UGT1A9: variants seen among roughly 807,000 people sequenced by gnomAD.
UGT1A9 encodes UDP-glucuronosyltransferase 1A9.
UGT1A9 carries 35 observed loss-of-function variants against 45.0 expected under a neutral mutation model. The ratio of observed to expected loss-of-function variants is 0.78; its 90% CI spans 0.59 to 1.03. The LOEUF (loss-of-function observed/expected upper bound fraction) is 1.03, where lower values mean the gene tolerates loss of function less well. UGT1A9 is among the 50% of genes least tolerant of loss of function. UGT1A9 has a pLI of 0.00. For synonymous variants in UGT1A9, 278 were observed against 250.6 expected (o/e 1.11, Z -1.03); for missense variants, 687 against 666.6 (o/e 1.03, Z -0.34).
intron 1 of UGT1A9, chr2:233,693,831 G>T: frequency 1.2e-6 from 2 of 1,614,178 alleles, no homozygotes; most frequent in Non-Finnish European, 1.7e-6. Context: ...TTCATTGGAG[G>T]TATCAACTGT....
chr2:233,755,356 C>T, intron 1 of UGT1A9: 1 of 377,544 alleles, frequency 2.6e-6, no homozygotes, highest in Non-Finnish European at 4.9e-6. Context: ...GCTTGGCGAC[C>T]TGGGCCGCCT....
chr2:233,693,918 C>T (rs907790099), intron 1 of UGT1A9: 4 of 1,611,064 alleles, frequency 2.5e-6, no homozygotes, highest in Non-Finnish European at 3.4e-6. Context: ...GCTCTGTCCT[C>T]CCTCACTCAT....
intron 1 of UGT1A9, among the ~76,000 whole-genome samples, chr2:233,746,480 C>A (rs1693404181): frequency 1.3e-5 from 2 of 151,692 alleles, no homozygotes; most frequent in Admixed American, 6.5e-5. Context: ...AAACACTTTC[C>A]ATGGACATGT....
At chr2:233,695,130 C>CTTTCTCTTT (rs1364557158) in intron 1 of UGT1A9, among the ~76,000 whole-genome samples, 2 of 138,840 alleles carry the variant, frequency 1.4e-5, no homozygotes, top group African/African-American at 5.4e-5. Context: ...CTTTTCTTTT[C>CTTTCTCTTT]TTTTTTTTTT....
At chr2:233,761,180 C>T (rs374898247) in intron 1 of UGT1A9, 24 of 1,614,008 alleles carry the variant, frequency 1.5e-5, no homozygotes, top group Non-Finnish European at 1.8e-5. Flanking sequence ...CTTTTACATG[C>T]GTATATTCTT....
In UGT1A9 at chr2:233,719,346, A is replaced by T. The variant is rs45540231; in HGVS notation, c.855+46557A>T. 3.4e-3 allele frequency: 5,483 copies of T among 1,613,810 alleles called. 158 individuals are homozygous for T. The African/African-American group carries it at 0.064, about 19-fold the overall frequency. On this transcript the variant is annotated intron_variant, in intron 1 of 4. Transcript: ENST00000354728. ...TCCTGCTGTGTTTTTTTGGAGGTAC[A>T]TTCCATGTGACTTAGACTTTAAGGG...
intron 1 of UGT1A9, among the ~76,000 whole-genome samples, chr2:233,704,712 T>C (rs2075804590): frequency 6.6e-6 from 1 of 152,184 alleles, no homozygotes; most frequent in African/African-American, 2.4e-5. Context: ...CTTAGCCCAA[T>C]TTGCCTTTGC....
At chr2:233,738,589 T>A (rs765619783) in intron 1 of UGT1A9, among the ~76,000 whole-genome samples, 10 of 152,236 alleles carry the variant, frequency 6.6e-5, no homozygotes, top group Admixed American at 1.3e-4. Flanking sequence ...CAAAGGTCAC[T>A]CTTGCTAAGC....
At chr2:233,715,304 G>A (rs1362641009) in intron 1 of UGT1A9, among the ~76,000 whole-genome samples, 1 of 152,110 alleles carries the variant, frequency 6.6e-6, no homozygotes, top group Non-Finnish European at 1.5e-5. Flanking sequence ...CTCTTGAATA[G>A]GTTTTGCTTT....
At chr2:233,723,300 C>G (rs2077076246) in intron 1 of UGT1A9, among the ~76,000 whole-genome samples, 1 of 117,154 alleles carries the variant, frequency 8.5e-6, no homozygotes, top group South Asian at 3.3e-4. Flanking sequence ...ACCTCTGCCT[C>G]CCAGGTTCAA....
intron 1 of UGT1A9, among the ~76,000 whole-genome samples, chr2:233,746,718 T>C (rs1161016418): frequency 6.6e-6 from 1 of 151,822 alleles, no homozygotes; most frequent in Non-Finnish European, 1.5e-5. Flanking sequence ...ATAAGGGAAT[T>C]AGCAATGGAT....
chr2:233,711,814 G>A (rs1262111547), intron 1 of UGT1A9, among the ~76,000 whole-genome samples: 2 of 152,206 alleles, frequency 1.3e-5, no homozygotes, highest in African/African-American at 4.8e-5. Context: ...CATCATCCTG[G>A]GGCGACCAGG....
At chr2:233,725,886 G>T (rs2077481662) in intron 1 of UGT1A9, among the ~76,000 whole-genome samples, 1 of 152,018 alleles carries the variant, frequency 6.6e-6, no homozygotes, top group Admixed American at 6.6e-5. Context: ...ATGATTTGTA[G>T]GCAGGTGGGT....
In UGT1A9 at chr2:233,684,030, G is replaced by T. The variant is rs144609680; in HGVS notation, c.855+11241G>T. Among the ~76,000 whole-genome samples the T allele has an allele frequency of 7.9e-5, 12 of 152,296 alleles. No individual in the cohort carries two copies. In the East Asian group the frequency reaches 2.3e-3, roughly 29 times the overall value. The stretch of plus-strand genomic sequence containing the variant: ...TAAGATTCTTGGCAAATGCATAGTT[G>T]CTAAATCCAGGTGAAACACCTGGTG... On this transcript the variant is annotated intron_variant, in intron 1 of 4. Coordinates refer to ENST00000354728, the MANE Select transcript of UGT1A9 (RefSeq NM_021027.3).
intron 1 of UGT1A9, chr2:233,718,695 C>T (rs2076675906): frequency 6.3e-7 from 1 of 1,592,520 alleles, no homozygotes; most frequent in South Asian, 1.1e-5. Flanking sequence ...TGGAGGAGGG[C>T]ACTTTGTCTT....
chr2:233,739,588 C>T (rs1487878859), intron 1 of UGT1A9, among the ~76,000 whole-genome samples: 1 of 152,180 alleles, frequency 6.6e-6, no homozygotes, highest in Non-Finnish European at 1.5e-5. Context: ...TTGCATGGGG[C>T]CTATAGCCCC....
At chr2:233,689,532 G>T (rs1270409073) in intron 1 of UGT1A9, among the ~76,000 whole-genome samples, 4 of 152,224 alleles carry the variant, frequency 2.6e-5, no homozygotes, top group Admixed American at 2.0e-4. Context: ...CATGAGAAGT[G>T]AGGGCTTGCA....
chr2:233,718,939 C>T (rs149017068), intron 1 of UGT1A9: 3 of 1,614,142 alleles, frequency 1.9e-6, no homozygotes, highest in East Asian at 2.2e-5. Context: ...GATGGCAGCC[C>T]CTGGCTCAGC....
At chr2:233,675,282 T>C (rs2074316608) in intron 1 of UGT1A9, among the ~76,000 whole-genome samples, 1 of 152,212 alleles carries the variant, frequency 6.6e-6, no homozygotes, top group Admixed American at 6.5e-5. Flanking sequence ...GTGGTCATTC[T>C]TTTACATTCC....
Sources: gnomAD v4.1 joint callset for allele counts (sites outside exome capture counted in the v4.1 genomes callset) on GRCh38, gnomAD v4.1.1 for gene constraint, MANE v1.5 for transcripts, NCBI Gene and HGNC (gene_info 2026-07-23, HGNC 2026-07-21) for gene names.